The following BNC2 variants were observed in gnomAD, a reference collection of about 807,000 sequenced individuals.
The protein encoded by BNC2 is zinc finger protein basonuclin-2.
A neutral mutation model predicts 76.3 loss-of-function variants in BNC2; 20 were observed. The ratio of observed to expected loss-of-function variants is 0.26; its 90% CI spans 0.18 to 0.38. The LOEUF (loss-of-function observed/expected upper bound fraction) is 0.38, where lower values mean the gene tolerates loss of function less well. Among genes scored for constraint, BNC2 ranks in the 10% least tolerant of loss-of-function variants. The pLI, the probability that BNC2 is intolerant of heterozygous loss-of-function variation, is 1.00. For synonymous variants in BNC2, 582 were observed against 514.8 expected, an observed-to-expected ratio of 1.13 and a Z score of -1.77; for missense variants, 1,382 against 1,399.8, an observed-to-expected ratio of 0.99 and a Z score of 0.20.
intron 1 of BNC2, among the ~76,000 whole-genome samples, chr9:16,845,669 C>A (rs1013667201): frequency 2.0e-5 from 3 of 152,078 alleles, no homozygotes; most frequent in Middle Eastern, 6.8e-3. Flanking sequence ...TGCAGTGAGC[C>A]GAGATCGCAC....
intron 5 of BNC2, among the ~76,000 whole-genome samples, chr9:16,475,293 C>A (rs1821904844): frequency 6.6e-6 from 1 of 152,198 alleles, no homozygotes; most frequent in Non-Finnish European, 1.5e-5. Context: ...ATTATATATA[C>A]TTGCCTCTTA....
At chr9:16,661,311 T>C (rs1040510115) in intron 3 of BNC2, among the ~76,000 whole-genome samples, 3 of 152,196 alleles carry the variant, frequency 2.0e-5, no homozygotes, top group Non-Finnish European at 2.9e-5. Context: ...CTTACTTGGA[T>C]AAACCACATA....
At position 16,804,312 on chromosome 9, in the gene BNC2, T is replaced by C. The variant is rs73412521; in HGVS notation, c.4-65827A>G. On this transcript the variant is annotated intron_variant, in intron 1 of 6. Coordinates refer to ENST00000380672, the MANE Select transcript of BNC2 (RefSeq NM_017637.6). ...ATACACAATCCCCAGAACGTTTTGA[T>C]GTAAGTACTATCATTGTCTCCAAAT... is the stretch of plus-strand genomic sequence containing the variant. 2.0e-3 allele frequency among the ~76,000 whole-genome samples: 307 copies of C among 152,348 alleles called. 2 individuals carry two copies. The highest frequency in any genetic ancestry group is 7.1e-3 in the African/African-American group (296 of 41,588).
chr9:16,789,453 C>G (rs1254439040), intron 1 of BNC2, among the ~76,000 whole-genome samples: 1 of 152,098 alleles, frequency 6.6e-6, no homozygotes, highest in African/African-American at 2.4e-5. Context: ...TGATCTGGCC[C>G]ATATCTTACC....
intron 1 of BNC2, among the ~76,000 whole-genome samples, chr9:16,749,264 A>G (rs1825108465): frequency 6.6e-6 from 1 of 152,338 alleles, no homozygotes; most frequent in South Asian, 2.1e-4. Flanking sequence ...ACTCTCTTAC[A>G]AAAGTAGAAG....
At position 16,797,335 on chromosome 9, in the gene BNC2, G is replaced by A. The variant is rs936133710; in HGVS notation, c.4-58850C>T. Among the ~76,000 whole-genome samples, 3 of 152,102 alleles carry A rather than the reference G, an allele frequency of 2.0e-5. No individual in the cohort carries two copies. The East Asian group carries it at 5.8e-4, about 29-fold the overall frequency. On this transcript the variant is annotated intron_variant, in intron 1 of 6. Transcript: ENST00000380672. ...ACTATACAATGGAAAGGATGAGGTT[G>A]GGGGCACTGTAGATTAAATGAGCTC...
intron 3 of BNC2, among the ~76,000 whole-genome samples, chr9:16,628,726 T>G (rs1299151858): frequency 6.6e-6 from 1 of 152,200 alleles, no homozygotes; most frequent in Non-Finnish European, 1.5e-5. Context: ...TAAGCTTCAT[T>G]TGTAACCACA....
At chr9:16,513,921 G>A (rs909460266) in intron 5 of BNC2, among the ~76,000 whole-genome samples, 3 of 152,128 alleles carry the variant, frequency 2.0e-5, no homozygotes, top group Admixed American at 6.5e-5. Flanking sequence ...CCCTACGCTC[G>A]TGTTTATGCC....
rs185896530 is a variant in BNC2, at chr9:16,695,626, C to T, written c.330+32171G>A. 3.2e-4 allele frequency among the ~76,000 whole-genome samples: 49 copies of T among 150,868 alleles called. 2 individuals carry two copies. The East Asian group carries it at 6.5e-3, about 20-fold the overall frequency. On this transcript the variant is annotated intron_variant, in intron 3 of 6. Transcript: ENST00000380672. ...CTGGCCTCAAGTGATCCTCCTGCTG[C>T]GGCCTCCCAAAGTACTGGGATTACA...
At position 16,562,334 on chromosome 9, in the gene BNC2, G is replaced by A. The variant is rs897392974; in HGVS notation, c.434-9569C>T. 3.9e-5 allele frequency among the ~76,000 whole-genome samples: 6 copies of A among 152,124 alleles called. 1 individual carries two copies. In the East Asian group the frequency reaches 5.8e-4, roughly 15 times the overall value. On this transcript the variant is annotated intron_variant, in intron 4 of 6. Transcript: ENST00000380672. ...CAACACTCATTCATCCCTAGGAGGC[G>A]TCTTCACCTGGGAAGAAAAGCCCCT...
chr9:16,613,443 CAT>C (rs966835593), intron 3 of BNC2, among the ~76,000 whole-genome samples: 11 of 152,294 alleles, frequency 7.2e-5, no homozygotes, highest in African/African-American at 1.2e-4. Flanking sequence ...CCAAATGCCA[CAT>C]GTTATTGAAA....
At chr9:16,572,144 G>A (rs76571735) in intron 4 of BNC2, among the ~76,000 whole-genome samples, 5 of 152,082 alleles carry the variant, frequency 3.3e-5, no homozygotes, top group Non-Finnish European at 5.9e-5. Flanking sequence ...AAAGCCGAAG[G>A]TATTTCACTC....
chr9:16,651,705 C>A (rs1821798049), intron 3 of BNC2, among the ~76,000 whole-genome samples: 1 of 152,108 alleles, frequency 6.6e-6, no homozygotes, highest in Non-Finnish European at 1.5e-5. Flanking sequence ...TGGCAATAAA[C>A]CTTGGGTGCG....
chr9:16,616,780 G>GAA (rs1378113940), intron 3 of BNC2, among the ~76,000 whole-genome samples: 24 of 146,498 alleles, frequency 1.6e-4, no homozygotes, highest in African/African-American at 3.7e-4. Context: ...GGAGGGGAGG[G>GAA]GAGGAAGGAG....
intron 3 of BNC2, among the ~76,000 whole-genome samples, chr9:16,610,869 T>C (rs977430542): frequency 1.1e-4 from 16 of 152,214 alleles, no homozygotes; most frequent in Non-Finnish European, 1.5e-5. Flanking sequence ...TAATTTGTCA[T>C]GATAAAGCAA....
At chr9:16,512,483 C>T (rs555172891) in intron 5 of BNC2, among the ~76,000 whole-genome samples, 17 of 145,776 alleles carry the variant, frequency 1.2e-4, no homozygotes, top group South Asian at 2.3e-4. Context: ...GTAACACACG[C>T]GCACACACAC....
rs527313071 is a variant in BNC2 at position 16,759,826 on chromosome 9, C to T, written c.4-21341G>A. Among the ~76,000 whole-genome samples the T allele has an allele frequency of 5.3e-5, 8 of 152,020 alleles. No homozygotes were observed. The South Asian group carries it at 1.7e-3, about 32-fold the overall frequency. ...GCCTGCTCCGCCTCCCGGGTTCACA[C>T]CATTCTCTTGCCTCAGCCTCCCGAG... On this transcript the variant is annotated intron_variant, in intron 1 of 6. Transcript: ENST00000380672.
At chr9:16,732,576 G>A (rs1449390931) in intron 2 of BNC2, among the ~76,000 whole-genome samples, 1 of 152,176 alleles carries the variant, frequency 6.6e-6, no homozygotes, top group Non-Finnish European at 1.5e-5. Context: ...CTGGTTCACA[G>A]AACAATACCT....
chr9:16,732,162 A>AAAAAAAAAAAAAG (rs59888253), intron 2 of BNC2, among the ~76,000 whole-genome samples: 35,575 of 123,076 alleles, frequency 0.29, 6,096 homozygotes, highest in East Asian at 0.69. Flanking sequence ...TCCTGCAAAA[A>AAAAAAAAAAAAAG]AAAAAGAAAA....
Sources: allele counts gnomAD v4.1 joint callset (sites outside exome capture counted in the v4.1 genomes callset), GRCh38; gene constraint gnomAD v4.1.1; transcripts MANE v1.5; gene names NCBI Gene and HGNC (gene_info 2026-07-23, HGNC 2026-07-21).